Variants in KIF1B observed in about 807,000 individuals in gnomAD.
KIF1B encodes the protein kinesin family member 1B, also known as kinesin-like protein KIF1B.
KIF1B carries 76 observed loss-of-function variants against 241.9 expected under a neutral mutation model. The observed-to-expected ratio is 0.31, with a 90% confidence interval of 0.26 to 0.38. KIF1B has a LOEUF of 0.38. Among genes scored for constraint, KIF1B ranks in the 10% least tolerant of loss-of-function variants. The pLI, the probability that KIF1B is intolerant of heterozygous loss-of-function variation, is 1.00. For synonymous variants in KIF1B, 750 were observed against 796.7 expected (o/e 0.94, Z 0.99); for missense variants, 1,622 against 2,271.4 (o/e 0.71, Z 5.81).
chr1:10,330,444 C>G (rs1279944686), intron 27 of KIF1B, among the ~76,000 whole-genome samples: 4 of 150,686 alleles, frequency 2.7e-5, no homozygotes, highest in Admixed American at 6.6e-5. Context: ...GCAAACAGTA[C>G]TTTAATGTAA....
intron 12 of KIF1B, among the ~76,000 whole-genome samples, chr1:10,277,243 T>G (rs190837435): frequency 6.6e-6 from 1 of 151,880 alleles, no homozygotes; most frequent in Admixed American, 6.6e-5. Flanking sequence ...CACAGGAGTT[T>G]GAGGCCAGCC....
intron 28 of KIF1B, among the ~76,000 whole-genome samples, chr1:10,335,304 G>A (rs538947048): frequency 1.3e-5 from 2 of 152,258 alleles, no homozygotes; most frequent in South Asian, 2.1e-4. Flanking sequence ...CCAGGCTGGA[G>A]CGCAGTGGCA....
At position 10,312,608 on chromosome 1, in the gene KIF1B, T is replaced by G. The variant is rs769082175; in HGVS notation, c.2116-7435T>G. 1.4e-4 allele frequency among the ~76,000 whole-genome samples: 21 copies of G among 151,522 alleles called. 1 individual carries two copies. Among genetic ancestry groups the G allele is most frequent in the Non-Finnish European group, 2.5e-4 (17 of 68,030 alleles). On this transcript the variant is annotated intron_variant, in intron 22 of 48. Coordinates refer to ENST00000676179, the MANE Select transcript of KIF1B (RefSeq NM_001365951.3). Reference sequence around the variant, plus strand: ...TGCCATTCCATCCACACAAGTTTTCTTGCTTTTCCTGAAATATGTGGTGCC... The same window carrying G: ...TGCCATTCCATCCACACAAGTTTTCGTGCTTTTCCTGAAATATGTGGTGCC...
chr1:10,267,367 A>C lies in KIF1B; in HGVS notation c.430-13A>C, dbSNP rs758600090. On this transcript the variant is annotated splice_polypyrimidine_tract_variant and intron_variant, in intron 5 of 48. Transcript: ENST00000676179. ...CTTTTTCACTCTAATTCACTTTACT[A>C]ATTTGTTCATAGGTGAGCTACATGG... The C allele has an allele frequency of 6.2e-7, 1 of 1,612,682 alleles. No individual in the cohort carries two copies. The highest frequency in any genetic ancestry group is 8.5e-7 in the Non-Finnish European group (1 of 1,178,714).
intron 16 of KIF1B, among the ~76,000 whole-genome samples, chr1:10,291,709 CAAAA>C (rs34360352): frequency 8.3e-6 from 1 of 120,232 alleles, no homozygotes. Context: ...GACTCTGTCT[CAAAA>C]AAAAAAAAAA....
At chr1:10,298,336 T>G (rs1040790366) in intron 22 of KIF1B, among the ~76,000 whole-genome samples, 5 of 152,188 alleles carry the variant, frequency 3.3e-5, no homozygotes, top group Admixed American at 2.6e-4. Context: ...TAGTGCTAAG[T>G]GGGCCAGAAA....
chr1:10,243,060 C>G (rs1647160550), intron 2 of KIF1B, among the ~76,000 whole-genome samples: 1 of 152,190 alleles, frequency 6.6e-6, no homozygotes, highest in Admixed American at 6.5e-5. Flanking sequence ...TTGTTCCGGT[C>G]TGTTACTGAC....
At chr1:10,333,192 G>A (rs1332659913) in intron 27 of KIF1B, among the ~76,000 whole-genome samples, 1 of 151,210 alleles carries the variant, frequency 6.6e-6, no homozygotes, top group Non-Finnish European at 1.5e-5. Context: ...TTGGGAGGCC[G>A]AGGCGGGCAG....
intron 27 of KIF1B, among the ~76,000 whole-genome samples, chr1:10,327,931 G>A (rs1265263161): frequency 2.0e-5 from 3 of 152,144 alleles, no homozygotes; most frequent in Admixed American, 2.0e-4. Flanking sequence ...CTCACCAGGT[G>A]CAGTGGCTCA....
At position 10,373,388 on chromosome 1, in the gene KIF1B, C is replaced by A. The variant is rs180679595; in HGVS notation, c.4947-928C>A. On this transcript the variant is annotated intron_variant, in intron 45 of 48. Transcript: ENST00000676179. ...TAGCTGGGATTACAGGGGCCTGCCA[C>A]CACGCCCAGCTAATTTTTGTATTTT... 8.4e-4 allele frequency among the ~76,000 whole-genome samples: 127 copies of A among 151,514 alleles called. 1 individual carries two copies. In the East Asian group the frequency reaches 0.024, roughly 29 times the overall value.
chr1:10,212,912 A>G (rs1433704818), intron 1 of KIF1B, among the ~76,000 whole-genome samples: 2,632 of 126,886 alleles, frequency 0.021, 73 homozygotes, highest in Non-Finnish European at 0.03. Context: ...ATATATATAT[A>G]TATATATATA....
At chr1:10,236,693 A>G (rs886204118) in intron 2 of KIF1B, among the ~76,000 whole-genome samples, 5 of 152,072 alleles carry the variant, frequency 3.3e-5, no homozygotes, top group Non-Finnish European at 7.4e-5. Flanking sequence ...TCCATGTTCT[A>G]CTTGTTTTCT....
rs370128487 is a variant in KIF1B at position 10,339,762 on chromosome 1, T to A, written c.3423-7T>A. ...TGTTCACGAGTCTTTTTATTTTTTTTATGAAGCTTTTTGCATCGCCATGAT... is the reference window on the plus strand; with the variant it reads ...TGTTCACGAGTCTTTTTATTTTTTTAATGAAGCTTTTTGCATCGCCATGAT... On this transcript the variant is annotated splice_region_variant and splice_polypyrimidine_tract_variant and intron_variant, in intron 31 of 48. Transcript: ENST00000676179. The A allele has an allele frequency of 1.5e-5, 25 of 1,613,486 alleles. No individual in the cohort carries two copies. Among genetic ancestry groups the A allele is most frequent in the Non-Finnish European group, 2.0e-5 (24 of 1,179,608 alleles).
At chr1:10,294,496 G>A (rs999305257) in intron 17 of KIF1B, among the ~76,000 whole-genome samples, 1 of 152,172 alleles carries the variant, frequency 6.6e-6, no homozygotes, top group Non-Finnish European at 1.5e-5. Context: ...TCCGTTCAGA[G>A]AATTGGCCTG....
chr1:10,221,855 G>A (rs541507564), intron 1 of KIF1B, among the ~76,000 whole-genome samples: 3 of 151,874 alleles, frequency 2.0e-5, no homozygotes, highest in South Asian at 2.1e-4. Flanking sequence ...TTGCTCTGTC[G>A]CCCAGGTTGG....
intron 23 of KIF1B, 141 bp downstream of exon 23, chr1:10,320,277 A>G (rs1259445868): frequency 4.7e-6 from 3 of 641,206 alleles, no homozygotes; most frequent in African/African-American, 1.8e-5. Context: ...CAGTTTACAG[A>G]TGATTGAATA....
chr1:10,259,204 G>T (rs1282736044), intron 4 of KIF1B, among the ~76,000 whole-genome samples: 3 of 136,324 alleles, frequency 2.2e-5, no homozygotes, highest in African/African-American at 5.5e-5. Flanking sequence ...ATCCTTTATT[G>T]TTTGGGAATG....
At position 10,282,485 on chromosome 1, in the gene KIF1B, G is replaced by A; in HGVS notation, c.1386G>A (p.Glu462=). The change falls in exon 15 of 49, where the codon GAG becomes GAA. Residue 462 remains glutamate (E), a synonymous_variant. Transcript: ENST00000676179. ...VGLTSVTSIQ[E]RIMSTPGGEE... ...TGACGTCTGTGACCAGTATTCAAGA[G>A]AGGATCATGTCTACACCTGGAGGAG... 6.2e-7 allele frequency: 1 copy of A among 1,614,132 alleles called. No individual in the cohort carries two copies. Among genetic ancestry groups the A allele is most frequent in the Non-Finnish European group, 8.5e-7 (1 of 1,180,022 alleles).
intron 5 of KIF1B, among the ~76,000 whole-genome samples, chr1:10,267,032 T>A (rs190614713): frequency 2.0e-5 from 3 of 152,196 alleles, no homozygotes; most frequent in African/African-American, 2.4e-5. Flanking sequence ...TCTTTTTTTT[T>A]ATTAAGACAG....
Sources: gnomAD v4.1 joint callset for allele counts (sites outside exome capture counted in the v4.1 genomes callset) on GRCh38, gnomAD v4.1.1 for gene constraint, MANE v1.5 for transcripts, NCBI Gene and HGNC (gene_info 2026-07-23, HGNC 2026-07-21) for gene names.